The following GRM5 variants were observed in gnomAD, a reference collection of about 807,000 sequenced individuals.
GRM5 encodes glutamate metabotropic receptor 5.
Under a neutral mutation model 83.1 loss-of-function variants are expected in GRM5, and 19 were observed. The observed-to-expected ratio is 0.23, with a 90% CI of 0.16 to 0.34. The LOEUF (loss-of-function observed/expected upper bound fraction) is 0.34. GRM5 is among the 10% of genes least tolerant of loss of function. The pLI is 1.00. For missense variants in GRM5, 1,160 were observed against 1,588.3 expected, an observed-to-expected ratio of 0.73 and a Z score of 4.58; for synonymous variants, 675 against 633.6, an observed-to-expected ratio of 1.07 and a Z score of -0.98.
intron 9 of GRM5, among the ~76,000 whole-genome samples, chr11:88,515,615 A>T (rs529869390): frequency 6.7e-5 from 10 of 150,214 alleles, no homozygotes; most frequent in African/African-American, 2.0e-4. Flanking sequence ...AAATAAATTT[A>T]AAAAAATCTC....
chr11:88,949,796 TAAG>T (rs1938397655), intron 2 of GRM5, among the ~76,000 whole-genome samples: 1 of 152,206 alleles, frequency 6.6e-6, no homozygotes, highest in Non-Finnish European at 1.5e-5. Flanking sequence ...TACTATACAA[TAAG>T]AATACAATCA....
intron 2 of GRM5, among the ~76,000 whole-genome samples, chr11:88,876,498 A>C (rs184189139): frequency 6.6e-6 from 1 of 152,180 alleles, no homozygotes; most frequent in Non-Finnish European, 1.5e-5. Flanking sequence ...TTTCTTCAAA[A>C]ATTTTTTATT....
At chr11:88,668,490 G>A (rs11826564) in intron 3 of GRM5, among the ~76,000 whole-genome samples, 88,544 of 151,848 alleles carry the variant, frequency 0.58, 26,681 homozygotes, top group Admixed American at 0.7. Flanking sequence ...AAATATTAAA[G>A]TGATTTCAAA....
chr11:88,795,764 G>C (rs1943263845), intron 3 of GRM5, among the ~76,000 whole-genome samples: 1 of 152,124 alleles, frequency 6.6e-6, no homozygotes, highest in Non-Finnish European at 1.5e-5. Flanking sequence ...CCAGAATTCA[G>C]CCTATGTTCA....
intron 1 of GRM5, among the ~76,000 whole-genome samples, chr11:89,053,417 G>A (rs1460200820): frequency 3.3e-5 from 5 of 152,064 alleles, no homozygotes; most frequent in East Asian, 1.9e-4. Context: ...GTCATCTTAC[G>A]TGCAATCAAA....
At chr11:88,835,204 G>A (rs1323578438) in intron 3 of GRM5, among the ~76,000 whole-genome samples, 2 of 152,160 alleles carry the variant, frequency 1.3e-5, no homozygotes, top group East Asian at 1.9e-4. Context: ...GCCTGGAAAT[G>A]TCTTACGTGA....
At chr11:88,565,377 A>G (rs1228700218) in intron 8 of GRM5, among the ~76,000 whole-genome samples, 1 of 152,180 alleles carries the variant, frequency 6.6e-6, no homozygotes, top group African/African-American at 2.4e-5. Context: ...ACCCAAAACA[A>G]TCTGGCTAGG....
chr11:88,942,346 A>G (rs1235499418), intron 2 of GRM5, among the ~76,000 whole-genome samples: 2 of 152,052 alleles, frequency 1.3e-5, no homozygotes, highest in Non-Finnish European at 1.5e-5. Context: ...ATATATGAGT[A>G]TATATTGTAC....
At chr11:88,990,050 T>C (rs1284452366) in intron 2 of GRM5, among the ~76,000 whole-genome samples, 1 of 151,012 alleles carries the variant, frequency 6.6e-6, no homozygotes, top group African/African-American at 2.4e-5. Context: ...AAAAAACTCT[T>C]CAAAAAATTA....
intron 3 of GRM5, among the ~76,000 whole-genome samples, chr11:88,802,916 G>A (rs1277448688): frequency 6.6e-6 from 1 of 151,252 alleles, no homozygotes; most frequent in Non-Finnish European, 1.5e-5. Flanking sequence ...GCCAAATCAT[G>A]AGTGAACTCT....
At position 88,902,756 on chromosome 11, in the gene GRM5, C is replaced by G. The variant is rs554730262; in HGVS notation, c.662-52601G>C. Among the ~76,000 whole-genome samples the G allele has an allele frequency of 4.6e-5, 7 of 151,946 alleles. No individual in the cohort carries two copies. In the South Asian group the frequency reaches 1.5e-3, roughly 32 times the overall value. ...GGATCATGAGGTCTGGATTTCCAGG[C>G]CAGCCTGGCCAATGTGAAACCCTGT... On this transcript the variant is annotated intron_variant, in intron 2 of 9. Coordinates refer to ENST00000305447, the MANE Select transcript of GRM5 (RefSeq NM_001143831.3).
At chr11:89,012,129 A>T (rs1373900185) in intron 2 of GRM5, among the ~76,000 whole-genome samples, 1 of 152,202 alleles carries the variant, frequency 6.6e-6, no homozygotes, top group African/African-American at 2.4e-5. Context: ...TGAAGAATGG[A>T]AGAGACAAAA....
chr11:88,850,436 G>A (rs1453328097), intron 2 of GRM5, among the ~76,000 whole-genome samples: 2 of 151,926 alleles, frequency 1.3e-5, no homozygotes, highest in African/African-American at 4.8e-5. Context: ...ACTCAAAATA[G>A]CTCTTATTCT....
intron 2 of GRM5, among the ~76,000 whole-genome samples, chr11:88,917,225 C>T (rs1026878416): frequency 6.6e-6 from 1 of 152,310 alleles, no homozygotes. Context: ...TTGTATCTTA[C>T]TGAAGATCAC....
chr11:89,025,340 C>G (rs957023474), intron 2 of GRM5, among the ~76,000 whole-genome samples: 1 of 151,836 alleles, frequency 6.6e-6, no homozygotes, highest in Non-Finnish European at 1.5e-5. Context: ...AGGATGGCAA[C>G]AAGAGACAAC....
chr11:89,047,267 C>A lies in GRM5; in HGVS notation c.606G>T (p.Met202Ile). 1 of 1,614,112 alleles carries A rather than the reference C, an allele frequency of 6.2e-7. No homozygotes were observed. The highest frequency in any genetic ancestry group is 8.5e-7 in the Non-Finnish European group (1 of 1,179,986). Residue 202 changes from methionine (M) to isoleucine (I), a missense_variant, in exon 2 of 10, where the codon ATG (methionine) becomes ATT (isoleucine). Around this residue, in one of 9 missense-constraint regions of GRM5, gnomAD observed 84 missense variants for 231.0 expected, o/e 0.36. Coordinates refer to ENST00000305447, the MANE Select transcript of GRM5 (RefSeq NM_001143831.3). This position sits in a 1 kb window ranked among gnomAD's most constrained non-coding sequence, Gnocchi z 5.1. ...VPSDAQQARA[M>I]VDIVKRYNWT... ...AGTTGTACCTCTTCACTATGTCCAC[C>A]ATGGCCCTTGCCTGCTGAGCATCTG... is the stretch of plus-strand genomic sequence containing the variant.
chr11:88,525,258 G>T, intron 9 of GRM5, 51 bp downstream of exon 9: 1 of 1,049,640 alleles, frequency 9.5e-7, no homozygotes, highest in Non-Finnish European at 1.5e-6. Context: ...TGTTCCTCTA[G>T]CTTGCATACA....
intron 8 of GRM5, among the ~76,000 whole-genome samples, chr11:88,566,474 GTT>G (rs1465217347): frequency 6.6e-6 from 1 of 152,150 alleles, no homozygotes; most frequent in Admixed American, 6.5e-5. Flanking sequence ...TCACTTTGTT[GTT>G]TTGCCCTTTT....
At chr11:88,517,210 T>A (rs956020716) in intron 9 of GRM5, among the ~76,000 whole-genome samples, 5 of 151,996 alleles carry the variant, frequency 3.3e-5, no homozygotes, top group Non-Finnish European at 7.4e-5. Flanking sequence ...AAAATATCTG[T>A]GCATATGTGT....
Sources: gnomAD v4.1 joint callset for allele counts (sites outside exome capture counted in the v4.1 genomes callset) on GRCh38, gnomAD v4.1.1 for gene constraint, gnomAD v4.1.1 regional missense constraint, Gnocchi (gnomAD v3.1) non-coding constraint, MANE v1.5 for transcripts, NCBI Gene and HGNC (gene_info 2026-07-23, HGNC 2026-07-21) for gene names.